Variants in AIRE observed in about 807,000 individuals in gnomAD.
AIRE encodes autoimmune regulator, also known as autoimmune polyendocrinopathy candidiasis ectodermal dystrophy protein.
AIRE carries 52 observed loss-of-function variants against 62.1 expected under a neutral mutation model. The observed-to-expected ratio is 0.84, with a 90% CI of 0.67 to 1.06. The LOEUF (loss-of-function observed/expected upper bound fraction) is 1.06. Ranked by LOEUF, AIRE falls within the 50% of genes least tolerant of loss-of-function variation. The pLI is 0.00. For missense variants in AIRE, 774 were observed against 755.8 expected (o/e 1.02, Z -0.28); for synonymous variants, 342 against 321.6 (o/e 1.06, Z -0.68).
At chr21:44,290,194 T>C in intron 7 of AIRE, 126 bp downstream of exon 7, 2 of 1,509,308 alleles carry the variant, frequency 1.3e-6, no homozygotes, top group Non-Finnish European at 1.8e-6. Context: ...ACCCACAGGG[T>C]ACAGCTCTTT....
rs764878471 is a variant in AIRE at position 44,293,160 on chromosome 21, TC to T, written c.1265del (p.Pro422LeufsTer58). The T allele has an allele frequency of 3.0e-5, 47 of 1,568,558 alleles. No homozygotes were observed. The highest frequency in any genetic ancestry group is 4.1e-5 in the Non-Finnish European group (47 of 1,156,230). ...SALHPLLCVG[P>X]EGQQNLAPGA... ...CCCTGCACCCCCTACTGTGTGTGGG[TC>T]CTGAGGGTCAGCAGGTGAGCGGGGA... On this transcript the variant is annotated frameshift_variant, in exon 10 of 14. Coordinates refer to ENST00000291582, the MANE Select transcript of AIRE (RefSeq NM_000383.4). LOFTEE classifies it high-confidence loss of function.
Position 44,287,519 on chromosome 21 carries a change from TCTCAAC to T in AIRE, c.467_472del (p.Ser156_Gln157del). On this transcript the variant is annotated inframe_deletion, in exon 4 of 14. Coordinates refer to ENST00000291582, the MANE Select transcript of AIRE (RefSeq NM_000383.4). This position sits in a 1 kb window ranked among gnomAD's most constrained non-coding sequence, Gnocchi z 4.3. ...CTGCCCCCAGCTCCCCCATTCAGGCTCTCAACTGAAGGCCAAGCCCCCCAAGAAGCC... is the reference window on the plus strand; with the variant it reads ...CTGCCCCCAGCTCCCCCATTCAGGCTTGAAGGCCAAGCCCCCCAAGAAGCC... The T allele has an allele frequency of 6.4e-7, 1 of 1,553,064 alleles. No individual in the cohort carries two copies. Among genetic ancestry groups the T allele is most frequent in the African/African-American group, 1.4e-5 (1 of 73,164 alleles).
chr21:44,286,844 C>T lies in AIRE; in HGVS notation c.307+113C>T, dbSNP rs752781086. 1.9e-6 allele frequency: 3 copies of T among 1,565,492 alleles called. No homozygotes were observed. The highest frequency in any genetic ancestry group is 2.6e-6 in the Non-Finnish European group (3 of 1,142,276). ...TTTGAGGAGCCCGTGGGTGATGTTC[C>T]AGGACCGTCTTGGATCCTAAGAGGC... On this transcript the variant is annotated intron_variant, in intron 2 of 13. Coordinates refer to ENST00000291582, the MANE Select transcript of AIRE (RefSeq NM_000383.4). This position sits in a 1 kb window ranked among gnomAD's most constrained non-coding sequence, Gnocchi z 6.0.
In AIRE at chr21:44,293,045, A is replaced by G. The variant is rs1201657884; in HGVS notation, c.1148A>G (p.Glu383Gly). Residue 383 changes from glutamate to glycine, a missense_variant, in exon 10 of 14, where the codon GAA becomes GGA. Physicochemically the swap from Glu to Gly is moderately conservative, Grantham distance 98 (BLOSUM62 -2). Coordinates refer to ENST00000291582, the MANE Select transcript of AIRE (RefSeq NM_000383.4). ...AGEEVRGPPG[E>G]PLAGMDTTLV... The stretch of plus-strand genomic sequence containing the variant: ...GAGGAGGTAAGAGGTCCACCTGGGG[A>G]ACCCCTAGCCGGCATGGACACGACT... 6.2e-7 allele frequency: 1 copy of G among 1,612,424 alleles called. No individual in the cohort carries two copies. The highest frequency in any genetic ancestry group is 8.5e-7 in the Non-Finnish European group (1 of 1,179,822).
In AIRE at chr21:44,287,419, G is replaced by T; in HGVS notation, c.464-98G>T. On this transcript the variant is annotated intron_variant, in intron 3 of 13. Coordinates refer to ENST00000291582, the MANE Select transcript of AIRE (RefSeq NM_000383.4). This position sits in a 1 kb window ranked among gnomAD's most constrained non-coding sequence, Gnocchi z 4.3. Reference sequence around the variant, plus strand: ...CCGGCAAAGGGACTACCCAGCACTGGACCGCCCCCTCCACGCCCTCCCACC... The same window carrying T: ...CCGGCAAAGGGACTACCCAGCACTGTACCGCCCCCTCCACGCCCTCCCACC... The T allele has an allele frequency of 1.2e-6, 1 of 861,992 alleles. No individual in the cohort carries two copies. Among genetic ancestry groups the T allele is most frequent in the Middle Eastern group, 3.3e-4 (1 of 2,992 alleles). The allele number at this position is 861,992 out of a possible 1,614,324, so 53.4% of individuals were successfully genotyped here. A position where few individuals can be genotyped will look rare whatever the true frequency, so the allele number is the denominator to read the frequency against.
chr21:44,296,550 C>T lies in AIRE; in HGVS notation c.1566+105C>T, dbSNP rs2040610319. ...GGGAGGACTGCCGGCCCCCACTGCT[C>T]TTGAGCCGTGGAAACTCAGGCTGTC... is the stretch of plus-strand genomic sequence containing the variant. On this transcript the variant is annotated intron_variant, in intron 13 of 13. Transcript: ENST00000291582. 6 of 1,139,606 alleles carry T rather than the reference C, an allele frequency of 5.3e-6. No individual in the cohort carries two copies. The South Asian group carries it at 6.2e-5, about 12-fold the overall frequency. 70.6% of individuals were successfully genotyped at this position (1,139,606 alleles called of 1,614,324 possible). A position where few individuals can be genotyped will look rare whatever the true frequency, so the allele number is the denominator to read the frequency against.
At position 44,286,470 on chromosome 21, in the gene AIRE, G is replaced by C. The variant is rs1033183462; in HGVS notation, c.133-87G>C. Reference sequence around the variant, plus strand: ...CCAGGTCGCCAGCGCCTCTGCCTGGGAGCTCCACCCTCTAGTCATGATGGA... The same window carrying C: ...CCAGGTCGCCAGCGCCTCTGCCTGGCAGCTCCACCCTCTAGTCATGATGGA... On this transcript the variant is annotated intron_variant, in intron 1 of 13. Transcript: ENST00000291582. This position sits in a 1 kb window ranked among gnomAD's most constrained non-coding sequence, Gnocchi z 6.0. The C allele has an allele frequency of 6.3e-6, 9 of 1,434,226 alleles. No homozygotes were observed. Among genetic ancestry groups the C allele is most frequent in the Non-Finnish European group, 7.6e-6 (8 of 1,050,740 alleles). 88.8% of individuals were successfully genotyped at this position (1,434,226 alleles called of 1,614,324 possible). A position where few individuals can be genotyped will look rare whatever the true frequency, so the allele number is the denominator to read the frequency against.
intron 7 of AIRE, chr21:44,290,645 G>A: frequency 9.0e-7 from 1 of 1,105,560 alleles, no homozygotes; most frequent in Non-Finnish European, 1.2e-6. Context: ...TGTCTGGGGG[G>A]ATTCTGGAGG....
In AIRE at chr21:44,287,348, T is replaced by C; in HGVS notation, c.464-169T>C. 1 of 721,446 alleles carries C rather than the reference T, an allele frequency of 1.4e-6. No homozygotes were observed. The highest frequency in any genetic ancestry group is 1.8e-5 in the South Asian group (1 of 55,192). 44.7% of individuals were successfully genotyped at this position (721,446 alleles called of 1,614,324 possible). Reference sequence around the variant, plus strand: ...GCTGAGCTCCCCGGAGCTGGTGAAGTAGGCGGGCGGGTCTCATTTCCCTTT... The same window carrying C: ...GCTGAGCTCCCCGGAGCTGGTGAAGCAGGCGGGCGGGTCTCATTTCCCTTT... On this transcript the variant is annotated intron_variant, in intron 3 of 13. Coordinates refer to ENST00000291582, the MANE Select transcript of AIRE (RefSeq NM_000383.4). The surrounding 1 kb of genome is among the most constrained non-coding windows in gnomAD (Gnocchi z 4.3).
At chr21:44,291,005 T>G in intron 7 of AIRE, 90 bp from the exon 8 acceptor site, 6 of 1,613,482 alleles carry the variant, frequency 3.7e-6, no homozygotes, top group Non-Finnish European at 5.1e-6. Flanking sequence ...CCAGAGATGC[T>G]GCTGGGGGAG....
At chr21:44,293,314 GAGC>G in intron 10 of AIRE, 139 bp downstream of exon 10, 1 of 711,132 alleles carries the variant, frequency 1.4e-6, no homozygotes, top group East Asian at 3.0e-5. Context: ...GCTGTGGGGG[GAGC>G]GTGGGGGGCT....
chr21:44,287,404 G>C lies in AIRE; in HGVS notation c.464-113G>C, dbSNP rs146020455. The C allele has an allele frequency of 2.0e-3, 1,543 of 778,738 alleles. 21 individuals carry two copies. In the African/African-American group the frequency reaches 0.023, roughly 11 times the overall value. The allele number at this position is 778,738 out of a possible 1,614,324, so 48.2% of individuals were successfully genotyped here. A position where few individuals can be genotyped will look rare whatever the true frequency, so the allele number is the denominator to read the frequency against. ...ATGAGAAACCAGAGCCCGGCAAAGG[G>C]ACTACCCAGCACTGGACCGCCCCCT... On this transcript the variant is annotated intron_variant, in intron 3 of 13. Coordinates refer to ENST00000291582, the MANE Select transcript of AIRE (RefSeq NM_000383.4). The surrounding 1 kb of genome is among the most constrained non-coding windows in gnomAD (Gnocchi z 4.3).
intron 7 of AIRE, chr21:44,290,357 C>T (rs982128042): frequency 1.4e-5 from 14 of 985,318 alleles, no homozygotes; most frequent in South Asian, 9.4e-5. Flanking sequence ...GTGGGCCGGG[C>T]GCCCCTGCTA....
chr21:44,296,338 G>A, intron 12 of AIRE, 45 bp from the exon 13 acceptor site: 1 of 1,546,520 alleles, frequency 6.5e-7, no homozygotes. Context: ...ACCCCCACCA[G>A]GGCTGTGGGA....
At position 44,287,590 on chromosome 21, in the gene AIRE, C is replaced by T. The variant is rs72650674; in HGVS notation, c.537C>T (p.Asn179=). 98 of 1,554,268 alleles carry T rather than the reference C, an allele frequency of 6.3e-5. 1 individual carries two copies. Among genetic ancestry groups the T allele is most frequent in the South Asian group, 3.2e-4 (27 of 84,304 alleles). Residue 179 remains asparagine, a splice_region_variant and synonymous_variant, in exon 4 of 14, where the codon AAC becomes AAT. Coordinates refer to ENST00000291582, the MANE Select transcript of AIRE (RefSeq NM_000383.4). The surrounding 1 kb of genome is among the most constrained non-coding windows in gnomAD (Gnocchi z 4.3). ...AGCAGCAGCGCCTTCCACTCGGGAA[C>T]GGTGAGCGGGGCCCAGTGGGAGCGC... ...SAEQQRLPLG[N]GIQTMSASVQ...
At position 44,298,544 on chromosome 21, in the gene AIRE, C is replaced by A. The variant is rs75176081; in HGVS notation, c.*817C>A. Reference sequence around the variant, plus strand: ...TCATCTATGCTTTCCTCAGCAGACACCTGGGTGCTTCCACCTTTTGGCTGT... The same window carrying A: ...TCATCTATGCTTTCCTCAGCAGACAACTGGGTGCTTCCACCTTTTGGCTGT... On this transcript the variant is annotated 3_prime_UTR_variant, in exon 14 of 14. Coordinates refer to ENST00000291582, the MANE Select transcript of AIRE (RefSeq NM_000383.4). 11,227 of 152,512 alleles carry A rather than the reference C, an allele frequency of 0.074. 417 individuals carry two copies. Among genetic ancestry groups the A allele is most frequent in the South Asian group, 0.11 (530 of 4,850 alleles). 9.4% of individuals were successfully genotyped at this position (152,512 alleles called of 1,614,324 possible). A position where few individuals can be genotyped will look rare whatever the true frequency, so the allele number is the denominator to read the frequency against.
chr21:44,286,223 C>T lies in AIRE; in HGVS notation c.132+85C>T, dbSNP rs2040480569. The T allele has an allele frequency of 2.1e-6, 3 of 1,403,138 alleles. No homozygotes were observed. The highest frequency in any genetic ancestry group is 2.9e-6 in the Non-Finnish European group (3 of 1,026,792). The allele number at this position is 1,403,138 out of a possible 1,614,324, so 86.9% of individuals were successfully genotyped here. On this transcript the variant is annotated intron_variant, in intron 1 of 13. Transcript: ENST00000291582. The surrounding 1 kb of genome is among the most constrained non-coding windows in gnomAD (Gnocchi z 6.0). ...GGGAAGTTCCAGGAGGACCCCGCCCCTCCAGATCCCCAAGCCCCTCCAGCC... is the reference window on the plus strand; with the variant it reads ...GGGAAGTTCCAGGAGGACCCCGCCCTTCCAGATCCCCAAGCCCCTCCAGCC...
intron 12 of AIRE, among the ~76,000 whole-genome samples, chr21:44,295,259 G>A (rs911390512): frequency 6.6e-6 from 1 of 152,176 alleles, no homozygotes; most frequent in African/African-American, 2.4e-5. Context: ...ACACCGTGTG[G>A]GTGACAGGCC....
Position 44,293,906 on chromosome 21 carries a change from C to T in AIRE, c.1396C>T (p.Pro466Ser), listed in dbSNP as rs1411629170. 6.3e-7 allele frequency: 1 copy of T among 1,596,590 alleles called. No homozygotes were observed. The highest frequency in any genetic ancestry group is 8.5e-7 in the Non-Finnish European group (1 of 1,179,474). ...RCHFPAGTSRPGTGLRCRSCS... is the reference protein window; with the variant it reads ...RCHFPAGTSRSGTGLRCRSCS... The stretch of plus-strand genomic sequence containing the variant: ...CCACTTCCCAGCCGGCACCTCCCGG[C>T]CCGGGTGAGTGAGCGTGGTCGGCGG... Residue 466 changes from proline (P) to serine (S), a missense_variant, in exon 11 of 14, where the codon CCC becomes TCC. By Grantham distance (74) the Pro-to-Ser change is moderately conservative. Coordinates refer to ENST00000291582, the MANE Select transcript of AIRE (RefSeq NM_000383.4).
Sources: allele counts gnomAD v4.1 joint callset (sites outside exome capture counted in the v4.1 genomes callset), GRCh38; gene constraint gnomAD v4.1.1; non-coding constraint Gnocchi (gnomAD v3.1); transcripts MANE v1.5; gene names NCBI Gene and HGNC (gene_info 2026-07-23, HGNC 2026-07-21).